Variants in ADARB2 observed in about 807,000 individuals in gnomAD.
ADARB2 encodes adenosine deaminase RNA specific B2 (inactive), also known as inactive double-stranded RNA-specific editase B2.
ADARB2 carries 25 observed loss-of-function variants against 62.2 expected under a neutral mutation model. That is an observed-to-expected ratio of 0.40 (90% confidence interval 0.29 to 0.56). ADARB2 has a LOEUF of 0.56. Ranked by LOEUF, ADARB2 falls within the 20% of genes least tolerant of loss-of-function variation. The probability of loss-of-function intolerance (pLI) is 0.43; values close to 1 mark genes in which losing one functional copy is unlikely to be tolerated. For missense variants in ADARB2, 1,071 were observed against 1,077.4 expected (o/e 0.99, Z 0.08); for synonymous variants, 572 against 500.8 (o/e 1.14, Z -1.90).
chr10:1,228,395 C>T (rs986255870), intron 6 of ADARB2, among the ~76,000 whole-genome samples: 2 of 152,214 alleles, frequency 1.3e-5, no homozygotes, highest in African/African-American at 4.8e-5. Flanking sequence ...AGATCCTCAT[C>T]TTCTGCTCCA....
At chr10:1,566,769 A>G (rs1039245621) in intron 1 of ADARB2, among the ~76,000 whole-genome samples, 29 of 152,224 alleles carry the variant, frequency 1.9e-4, no homozygotes, top group Non-Finnish European at 2.9e-5. Flanking sequence ...TTATCTACAT[A>G]TAACGATTTT....
chr10:1,354,635 G>T (rs902417331), intron 3 of ADARB2, among the ~76,000 whole-genome samples: 4 of 152,206 alleles, frequency 2.6e-5, no homozygotes, highest in African/African-American at 9.6e-5. Flanking sequence ...GAGGGATCGG[G>T]GAGCAGGGCC....
chr10:1,579,051 G>C (rs1293247021), intron 1 of ADARB2, among the ~76,000 whole-genome samples: 1 of 152,172 alleles, frequency 6.6e-6, no homozygotes, highest in Admixed American at 6.5e-5. Context: ...GATACCACGA[G>C]GTGGGAGAGC....
intron 1 of ADARB2, among the ~76,000 whole-genome samples, chr10:1,570,873 A>G (rs1318528565): frequency 6.6e-6 from 1 of 152,018 alleles, no homozygotes; most frequent in African/African-American, 2.4e-5. Context: ...CGCATCCTGG[A>G]AACCGGAGGA....
intron 1 of ADARB2, among the ~76,000 whole-genome samples, chr10:1,646,529 G>A (rs576067399): frequency 2.6e-5 from 4 of 152,372 alleles, no homozygotes; most frequent in African/African-American, 9.6e-5. Flanking sequence ...GCTGGTGGGC[G>A]TGGCTGCACG....
At chr10:1,551,468 G>T (rs11250618) in intron 1 of ADARB2, among the ~76,000 whole-genome samples, 29,697 of 152,226 alleles carry the variant, frequency 0.2, 3,196 homozygotes, top group Non-Finnish European at 0.24. Context: ...TGCAAAAGAG[G>T]CAGGCTCGAG....
intron 1 of ADARB2, among the ~76,000 whole-genome samples, chr10:1,727,939 A>G (rs1464573630): frequency 1.3e-5 from 2 of 152,270 alleles, no homozygotes; most frequent in Admixed American, 6.5e-5. Flanking sequence ...AGACACATAT[A>G]ATGTTTAAGG....
intron 3 of ADARB2, among the ~76,000 whole-genome samples, chr10:1,282,227 A>G (rs1589176847): frequency 6.6e-6 from 1 of 152,174 alleles, no homozygotes; most frequent in Non-Finnish European, 1.5e-5. Context: ...CTTGGTGTTT[A>G]CGTGGTGCTC....
Position 1,585,589 on chromosome 10 carries a change from C to T in ADARB2, c.100+151462G>A, listed in dbSNP as rs926186019. ...TACGTGATGATTCCTGCTCTACCCT[C>T]CTCTCACATGGGAATTGTGTATTCG... On this transcript the variant is annotated intron_variant, in intron 1 of 9. Transcript: ENST00000381312. Among the ~76,000 whole-genome samples, 3 of 152,218 alleles carry T rather than the reference C, an allele frequency of 2.0e-5. No homozygotes were observed. In the South Asian group the frequency reaches 6.2e-4, roughly 32 times the overall value.
At chr10:1,211,038 G>A (rs898826659) in intron 7 of ADARB2, among the ~76,000 whole-genome samples, 1 of 152,146 alleles carries the variant, frequency 6.6e-6, no homozygotes, top group African/African-American at 2.4e-5. Flanking sequence ...GGCGCTGTGA[G>A]GGGTTCAAAA....
At chr10:1,587,133 G>T (rs1833190861) in intron 1 of ADARB2, among the ~76,000 whole-genome samples, 1 of 152,080 alleles carries the variant, frequency 6.6e-6, no homozygotes, top group Admixed American at 6.6e-5. Flanking sequence ...TTTACCAAAG[G>T]TGCTTATCTC....
At position 1,483,689 on chromosome 10, in the gene ADARB2, T is replaced by C. The variant is rs527796816; in HGVS notation, c.101-104529A>G. Among the ~76,000 whole-genome samples the C allele has an allele frequency of 1.8e-4, 12 of 65,450 alleles. 1 individual carries two copies. The South Asian group carries it at 4.6e-3, about 25-fold the overall frequency. 42.9% of individuals were successfully genotyped at this position (65,450 alleles called of 152,430 possible). Reference sequence around the variant, plus strand: ...ATTATGTGATGCCAACAAAAGTGTTTGAAAATGACGAAGCAACTAATGATT... The same window carrying C: ...ATTATGTGATGCCAACAAAAGTGTTCGAAAATGACGAAGCAACTAATGATT... On this transcript the variant is annotated intron_variant, in intron 1 of 9. Transcript: ENST00000381312.
chr10:1,601,603 G>A (rs952761448), intron 1 of ADARB2, among the ~76,000 whole-genome samples: 4 of 152,192 alleles, frequency 2.6e-5, no homozygotes, highest in Non-Finnish European at 5.9e-5. Context: ...CTGTACACAC[G>A]TTAGAAACAT....
chr10:1,460,928 G>A (rs538174778), intron 1 of ADARB2, among the ~76,000 whole-genome samples: 3 of 151,870 alleles, frequency 2.0e-5, no homozygotes, highest in East Asian at 1.9e-4. Context: ...GTTTACCTGC[G>A]TAACAAACCT....
chr10:1,249,065 C>T (rs1210713274), intron 4 of ADARB2, among the ~76,000 whole-genome samples: 1 of 152,226 alleles, frequency 6.6e-6, no homozygotes, highest in Non-Finnish European at 1.5e-5. Flanking sequence ...AAAATACTAG[C>T]CATCAAGTAG....
At chr10:1,700,191 A>G (rs367781405) in intron 1 of ADARB2, among the ~76,000 whole-genome samples, 43 of 6,812 alleles carry the variant, frequency 6.3e-3, no homozygotes, top group Admixed American at 0.011. Context: ...CCACTCCACC[A>G]GGAGACCAGG....
rs546750626 is a variant in ADARB2, at chr10:1,619,485, C to G, written c.100+117566G>C. 2.6e-5 allele frequency among the ~76,000 whole-genome samples: 4 copies of G among 152,274 alleles called. No homozygotes were observed. The East Asian group carries it at 7.7e-4, about 29-fold the overall frequency. ...GTATTTTTGTTTTTTCAGAGTCTCGCTCTGTCACCAGGCTGGAGTGCAGTG... is the reference window on the plus strand; with the variant it reads ...GTATTTTTGTTTTTTCAGAGTCTCGGTCTGTCACCAGGCTGGAGTGCAGTG... On this transcript the variant is annotated intron_variant, in intron 1 of 9. Coordinates refer to ENST00000381312, the MANE Select transcript of ADARB2 (RefSeq NM_018702.4).
At chr10:1,257,075 T>C (rs1214202593) in intron 4 of ADARB2, among the ~76,000 whole-genome samples, 1 of 152,256 alleles carries the variant, frequency 6.6e-6, no homozygotes, top group Non-Finnish European at 1.5e-5. Flanking sequence ...TTTAAGAAGA[T>C]CATATTTGAA....
intron 1 of ADARB2, among the ~76,000 whole-genome samples, chr10:1,660,377 C>A (rs913424370): frequency 6.6e-6 from 1 of 152,200 alleles, no homozygotes; most frequent in Non-Finnish European, 1.5e-5. Flanking sequence ...ATGAGGGAAG[C>A]AAAGTCGGTC....
Sources: gnomAD v4.1 joint callset for allele counts (sites outside exome capture counted in the v4.1 genomes callset) on GRCh38, gnomAD v4.1.1 for gene constraint, MANE v1.5 for transcripts, NCBI Gene and HGNC (gene_info 2026-07-23, HGNC 2026-07-21) for gene names.